Variants in ARMC9 observed in about 807,000 individuals in gnomAD.
The protein encoded by ARMC9 is armadillo repeat containing 9.
ARMC9 carries 94 observed loss-of-function variants against 107.0 expected under a neutral mutation model. That is an observed-to-expected ratio of 0.88 (90% CI 0.74 to 1.04). The LOEUF is 1.04. Among genes scored for constraint, ARMC9 ranks in the 50% least tolerant of loss-of-function variants. The pLI is 0.00. For missense variants in ARMC9, 942 were observed against 1,030.1 expected (o/e 0.91, Z 1.17); for synonymous variants, 380 against 396.9 (o/e 0.96, Z 0.51).
intron 21 of ARMC9, among the ~76,000 whole-genome samples, chr2:231,346,652 A>G (rs1246484448): frequency 6.6e-6 from 1 of 152,168 alleles, no homozygotes; most frequent in Non-Finnish European, 1.5e-5. Flanking sequence ...TTGCTGAACT[A>G]TCTGAGAGAA....
chr2:231,264,341 G>A (rs887563329), intron 12 of ARMC9, among the ~76,000 whole-genome samples: 1 of 151,910 alleles, frequency 6.6e-6, no homozygotes, highest in African/African-American at 2.4e-5. Flanking sequence ...ACCACACCCA[G>A]CTAATTTTTT....
At chr2:231,364,563 G>A (rs1238695742) in intron 23 of ARMC9, among the ~76,000 whole-genome samples, 1 of 152,136 alleles carries the variant, frequency 6.6e-6, no homozygotes, top group Admixed American at 6.5e-5. Context: ...TTGGGAGGCC[G>A]AGGCGGGCGG....
At position 231,304,417 on chromosome 2, in the gene ARMC9, C is replaced by T. The variant is rs191599066; in HGVS notation, c.1773+8164C>T. ...TTCCAAATTTTTTGTTTGTTTGAGACGAAGTCTCACTCTATCGCCCAGGCT... is the reference window on the plus strand; with the variant it reads ...TTCCAAATTTTTTGTTTGTTTGAGATGAAGTCTCACTCTATCGCCCAGGCT... On this transcript the variant is annotated intron_variant, in intron 19 of 24. Coordinates refer to ENST00000611582, the MANE Select transcript of ARMC9 (RefSeq NM_001352754.2). 8.8e-3 allele frequency among the ~76,000 whole-genome samples: 1,333 copies of T among 152,292 alleles called. 15 individuals carry two copies. Among genetic ancestry groups the T allele is most frequent in the Middle Eastern group, 0.027 (8 of 294 alleles).
In ARMC9 at chr2:231,282,128, G is replaced by A. The variant is rs773221624; in HGVS notation, c.1621G>A (p.Ala541Thr). The change falls in exon 17 of 25, where the codon GCA becomes ACA. Residue 541 changes from alanine (A) to threonine (T), a missense_variant. Transcript: ENST00000611582. ...TCCATCCATTCGTGAGGAAGCAAGA[G>A]CAATGGTAAGAAAGCGTGCCTGAGA... ...SVPSIREEARAMGMEDILRCF... is the reference protein window; with the variant it reads ...SVPSIREEARTMGMEDILRCF... The A allele has an allele frequency of 4.3e-6, 7 of 1,614,006 alleles. No individual in the cohort carries two copies. The highest frequency in any genetic ancestry group is 4.0e-5 in the African/African-American group (3 of 74,916).
chr2:231,331,647 CT>C, intron 19 of ARMC9, 145 bp from the exon 20 acceptor site: 4 of 662,976 alleles, frequency 6.0e-6, no homozygotes, highest in South Asian at 5.7e-5. Flanking sequence ...CAGACTGCCC[CT>C]GAGCCCCCTT....
At chr2:231,304,399 T>A (rs1298199739) in intron 19 of ARMC9, among the ~76,000 whole-genome samples, 3 of 152,234 alleles carry the variant, frequency 2.0e-5, no homozygotes, top group Non-Finnish European at 4.4e-5. Context: ...TTTTTCCAAA[T>A]TTTTTGTTTG....
At chr2:231,279,008 C>T (rs1456911200) in intron 16 of ARMC9, among the ~76,000 whole-genome samples, 1 of 152,210 alleles carries the variant, frequency 6.6e-6, no homozygotes, top group African/African-American at 2.4e-5. Flanking sequence ...AGCCTGTACA[C>T]TTCGAGTGCC....
chr2:231,274,061 T>C (rs923331588), intron 14 of ARMC9, among the ~76,000 whole-genome samples: 8 of 152,190 alleles, frequency 5.3e-5, no homozygotes, highest in Non-Finnish European at 1.0e-4. Context: ...TGTAGCAGCA[T>C]GTGTCAGGGC....
intron 19 of ARMC9, among the ~76,000 whole-genome samples, chr2:231,325,802 C>A (rs2043281667): frequency 6.6e-6 from 1 of 152,152 alleles, no homozygotes. Context: ...AACAGGATTA[C>A]CTTTAAGGAA....
At chr2:231,361,537 G>A (rs1164381379) in intron 23 of ARMC9, among the ~76,000 whole-genome samples, 1 of 151,616 alleles carries the variant, frequency 6.6e-6, no homozygotes, top group Non-Finnish European at 1.5e-5. Context: ...CTTCCACTGT[G>A]CCACGTGAGC....
intron 19 of ARMC9, among the ~76,000 whole-genome samples, chr2:231,326,808 GAAAT>G (rs1349247885): frequency 6.6e-6 from 1 of 152,206 alleles, no homozygotes; most frequent in Non-Finnish European, 1.5e-5. Flanking sequence ...AAATTAGTCG[GAAAT>G]GAAGACAGGG....
intron 16 of ARMC9, among the ~76,000 whole-genome samples, chr2:231,281,370 G>C (rs995213975): frequency 6.6e-6 from 1 of 152,154 alleles, no homozygotes; most frequent in East Asian, 1.9e-4. Flanking sequence ...CTGGTGGGGG[G>C]CATCCCTTAG....
At chr2:231,330,727 T>G (rs904989247) in intron 19 of ARMC9, among the ~76,000 whole-genome samples, 1 of 152,134 alleles carries the variant, frequency 6.6e-6, no homozygotes, top group Non-Finnish European at 1.5e-5. Context: ...GCTACCATAT[T>G]TTCTCCAGTG....
At chr2:231,237,591 G>A in intron 8 of ARMC9, among the ~76,000 whole-genome samples, 1 of 151,594 alleles carries the variant, frequency 6.6e-6, no homozygotes, top group Non-Finnish European at 1.5e-5. Flanking sequence ...AGTAGTGTAT[G>A]AGAGTGCCTA....
In ARMC9 at chr2:231,360,198, G is replaced by A. The variant is rs1312544012; in HGVS notation, c.2132-556G>A. On this transcript the variant is annotated intron_variant, in intron 22 of 24. Coordinates refer to ENST00000611582, the MANE Select transcript of ARMC9 (RefSeq NM_001352754.2). This position sits in a 1 kb window ranked among gnomAD's most constrained non-coding sequence, Gnocchi z 4.7. ...CCCGTGAAGGGCTCCTGCGTGTCCC[G>A]GGTGGCCTGGTTCTGGGTGGGCATC... Among the ~76,000 whole-genome samples the A allele has an allele frequency of 1.3e-5, 2 of 152,078 alleles. No homozygotes were observed. The highest frequency in any genetic ancestry group is 1.9e-4 in the East Asian group (1 of 5,186).
In ARMC9 at chr2:231,206,205, T is replaced by G; in HGVS notation, c.-34T>G. The G allele has an allele frequency of 1.3e-6, 2 of 1,596,194 alleles. No individual in the cohort carries two copies. The highest frequency in any genetic ancestry group is 1.7e-6 in the Non-Finnish European group (2 of 1,164,450). On this transcript the variant is annotated 5_prime_UTR_variant, in exon 2 of 25. Transcript: ENST00000611582. ...TGTATTTTTGCCTTCTAGAGATTTT[T>G]GCTGTGAGAATTAATTACCAGTAAC...
intron 9 of ARMC9, chr2:231,256,336 G>A (rs1489105113): frequency 1.4e-5 from 22 of 1,528,300 alleles, no homozygotes; most frequent in African/African-American, 2.8e-5. Context: ...CTTGGATGTC[G>A]GGTTCGACCA....
intron 6 of ARMC9, 74 bp downstream of exon 6, chr2:231,222,894 G>C: frequency 2.2e-6 from 2 of 901,216 alleles, no homozygotes; most frequent in Middle Eastern, 2.3e-4. Flanking sequence ...CGCTGGCTTA[G>C]GTTTATTGAG....
chr2:231,285,645 CA>C (rs202061783), intron 17 of ARMC9, among the ~76,000 whole-genome samples: 133 of 140,460 alleles, frequency 9.5e-4, no homozygotes, highest in Middle Eastern at 3.5e-3. Context: ...GACTCCGTCT[CA>C]AAAAAAAAAA....
Sources: gnomAD v4.1 joint callset for allele counts (sites outside exome capture counted in the v4.1 genomes callset) on GRCh38, gnomAD v4.1.1 for gene constraint, Gnocchi (gnomAD v3.1) non-coding constraint, MANE v1.5 for transcripts, NCBI Gene and HGNC (gene_info 2026-07-23, HGNC 2026-07-21) for gene names.